MRPS11: variants seen among roughly 807,000 people sequenced by gnomAD.
MRPS11 encodes small ribosomal subunit protein uS11m.
MRPS11 carries 27 observed loss-of-function variants against 24.3 expected under a neutral mutation model. The ratio of observed to expected loss-of-function variants is 1.11; its 90% CI spans 0.82 to 1.53. The LOEUF (loss-of-function observed/expected upper bound fraction) is 1.53, where lower values mean the gene tolerates loss of function less well. MRPS11 is among the 40% of genes most tolerant of loss of function. The probability of loss-of-function intolerance (pLI) is 0.00; values close to 1 mark genes in which losing one functional copy is unlikely to be tolerated. For synonymous variants in MRPS11, 104 were observed against 98.7 expected, an observed-to-expected ratio of 1.05 and a Z score of -0.32; for missense variants, 277 against 256.5, an observed-to-expected ratio of 1.08 and a Z score of -0.55.
At chr15:88,472,590 G>A (rs371425513) in intron 2 of MRPS11, 37 bp from the exon 3 acceptor site, 15 of 1,546,038 alleles carry the variant, frequency 9.7e-6, no homozygotes, top group South Asian at 4.5e-5. Flanking sequence ...TTAAAAAGTC[G>A]AGACAATTTT....
At chr15:88,476,329 C>A (rs962495937) in intron 4 of MRPS11, among the ~76,000 whole-genome samples, 1 of 152,136 alleles carries the variant, frequency 6.6e-6, no homozygotes, top group African/African-American at 2.4e-5. Context: ...ATAGTACAGG[C>A]CTTACAAATG....
intron 3 of MRPS11, among the ~76,000 whole-genome samples, chr15:88,473,445 A>C (rs961999798): frequency 5.3e-5 from 8 of 152,380 alleles, no homozygotes; most frequent in African/African-American, 1.7e-4. Context: ...TCATGGGCTA[A>C]AGTGTGTGGC....
chr15:88,468,052 G>C (rs1195133245), intron 2 of MRPS11, 28 bp downstream of exon 2: 6 of 1,580,910 alleles, frequency 3.8e-6, no homozygotes, highest in Non-Finnish European at 5.2e-6. Context: ...CAGCCCTCTG[G>C]AGACCCGCAA....
At position 88,478,107 on chromosome 15, in the gene MRPS11, T is replaced by C. The variant is rs900423960; in HGVS notation, c.*128T>C. 16 of 743,966 alleles carry C rather than the reference T, an allele frequency of 2.2e-5. No homozygotes were observed. In the African/African-American group the frequency reaches 2.8e-4, roughly 13 times the overall value. The allele number at this position is 743,966 out of a possible 1,614,324, so 46.1% of individuals were successfully genotyped here. A position where few individuals can be genotyped will look rare whatever the true frequency, so the allele number is the denominator to read the frequency against. On this transcript the variant is annotated 3_prime_UTR_variant, in exon 6 of 6. Coordinates refer to ENST00000325844, the MANE Select transcript of MRPS11 (RefSeq NM_022839.5). The surrounding 1 kb of genome is among the most constrained non-coding windows in gnomAD (Gnocchi z 4.7). The stretch of plus-strand genomic sequence containing the variant: ...TCCTTCAGGCAGTAAGGGAGAGTTT[T>C]GCCTCCTTACACAGTGGCCTTTGCT...
At position 88,480,698 on chromosome 15, in the gene MRPS11, C is replaced by T. The variant is rs1247810029; in HGVS notation, c.*2719C>T. The T allele has an allele frequency of 6.6e-6, 1 of 152,006 alleles. No homozygotes were observed. Among genetic ancestry groups the T allele is most frequent in the African/African-American group, 2.4e-5 (1 of 41,380 alleles). 9.4% of individuals were successfully genotyped at this position (152,006 alleles called of 1,614,324 possible). On this transcript the variant is annotated 3_prime_UTR_variant, in exon 6 of 6. Transcript: ENST00000325844. This position sits in a 1 kb window ranked among gnomAD's most constrained non-coding sequence, Gnocchi z 5.1. The stretch of plus-strand genomic sequence containing the variant: ...TGTTGACTGTGCACTGGAAAATGCA[C>T]ATTGCTTTATCGTGAGCTCTCGGTG...
chr15:88,468,701 G>A, intron 2 of MRPS11: 1 of 206,706 alleles, frequency 4.8e-6, no homozygotes, highest in Non-Finnish European at 8.5e-6. Flanking sequence ...TTGGTTGGAA[G>A]TATGAAATCA....
At chr15:88,468,214 G>C in intron 2 of MRPS11, 190 bp downstream of exon 2, 3 of 1,431,990 alleles carry the variant, frequency 2.1e-6, no homozygotes, top group East Asian at 2.6e-5. Flanking sequence ...GTGAGAATCA[G>C]ATGAGCCGTG....
At position 88,467,782 on chromosome 15, in the gene MRPS11, G is replaced by A. The variant is rs2055575523; in HGVS notation, c.65G>A (p.Gly22Asp). ...TCCTGGACTTGGCCCCAGACAGCCG[G>A]GTAACAAATGACTGCCCCCTCGAGC... is the stretch of plus-strand genomic sequence containing the variant. ...LRSWTWPQTA[G>D]RVVARTPAGT... The change falls in exon 1 of 6, where the codon GGC becomes GAC. Residue 22 changes from glycine (G) to aspartate (D), a missense_variant and splice_region_variant. Physicochemically the swap from Gly to Asp is moderately conservative, Grantham distance 94. Coordinates refer to ENST00000325844, the MANE Select transcript of MRPS11 (RefSeq NM_022839.5). 5 of 1,614,060 alleles carry A rather than the reference G, an allele frequency of 3.1e-6. No individual in the cohort carries two copies. Among genetic ancestry groups the A allele is most frequent in the Non-Finnish European group, 4.2e-6 (5 of 1,180,032 alleles).
rs2055654334 is a variant in MRPS11 at position 88,469,983 on chromosome 15, AATAAAC to A, written c.182+1962_182+1967del. On this transcript the variant is annotated intron_variant, in intron 2 of 5. Transcript: ENST00000325844. The surrounding 1 kb of genome is among the most constrained non-coding windows in gnomAD (Gnocchi z 4.4). ...GGGAGTTGTTAAGGTTGAGATTCTT[AATAAAC>A]ATTCAAGTGGAGACACAATGTAGAC... Among the ~76,000 whole-genome samples, 1 of 152,176 alleles carries A rather than the reference AATAAAC, an allele frequency of 6.6e-6. No individual in the cohort carries two copies. Among genetic ancestry groups the A allele is most frequent in the African/African-American group, 2.4e-5 (1 of 41,434 alleles).
At chr15:88,473,912 G>A (rs191140573) in intron 3 of MRPS11, among the ~76,000 whole-genome samples, 6 of 152,352 alleles carry the variant, frequency 3.9e-5, no homozygotes, top group Admixed American at 3.3e-4. Context: ...AGTTGTGGGT[G>A]GATGCAGTGG....
rs1320299641 is a variant in MRPS11, at chr15:88,469,011, A to G, written c.182+987A>G. On this transcript the variant is annotated intron_variant, in intron 2 of 5. Coordinates refer to ENST00000325844, the MANE Select transcript of MRPS11 (RefSeq NM_022839.5). This position sits in a 1 kb window ranked among gnomAD's most constrained non-coding sequence, Gnocchi z 4.4. ...GGTGACAGATTGAGACTCTGTCTCA[A>G]AGAAAAAAAAAAAAAAAAAGAATAA... The G allele has an allele frequency of 1.4e-5, 2 of 146,152 alleles. No homozygotes were observed. The highest frequency in any genetic ancestry group is 3.9e-4 in the East Asian group (2 of 5,142). 9.1% of individuals were successfully genotyped at this position (146,152 alleles called of 1,614,324 possible).
chr15:88,480,661 G>A lies in MRPS11; in HGVS notation c.*2682G>A, dbSNP rs943285628. 2.4e-4 allele frequency: 37 copies of A among 152,110 alleles called. No individual in the cohort carries two copies. Among genetic ancestry groups the A allele is most frequent in the African/African-American group, 8.7e-4 (36 of 41,412 alleles). The allele number at this position is 152,110 out of a possible 1,614,324, so 9.4% of individuals were successfully genotyped here. On this transcript the variant is annotated 3_prime_UTR_variant, in exon 6 of 6. Coordinates refer to ENST00000325844, the MANE Select transcript of MRPS11 (RefSeq NM_022839.5). This position sits in a 1 kb window ranked among gnomAD's most constrained non-coding sequence, Gnocchi z 5.1. ...GGCGCAACCCCCGGAGCTAGTTTTG[G>A]GGAGGCCGCCTTGTTGACTGTGCAC...
chr15:88,475,370 A>C lies in MRPS11; in HGVS notation c.411+131A>C, dbSNP rs2055800903. On this transcript the variant is annotated intron_variant, in intron 4 of 5. Coordinates refer to ENST00000325844, the MANE Select transcript of MRPS11 (RefSeq NM_022839.5). The surrounding 1 kb of genome is among the most constrained non-coding windows in gnomAD (Gnocchi z 4.1). ...TTGTCATGGCAGCTTTGATGCCCTG[A>C]TTGGAGCATTGGTTTGAAAAGGTTT... The C allele has an allele frequency of 1.5e-6, 2 of 1,297,172 alleles. No individual in the cohort carries two copies. The highest frequency in any genetic ancestry group is 2.1e-6 in the Non-Finnish European group (2 of 948,934). The allele number at this position is 1,297,172 out of a possible 1,614,324, so 80.4% of individuals were successfully genotyped here. A position where few individuals can be genotyped will look rare whatever the true frequency, so the allele number is the denominator to read the frequency against.
At position 88,467,935 on chromosome 15, in the gene MRPS11, G is replaced by A. The variant is rs2055583025; in HGVS notation, c.93G>A (p.Gly31=). 1 of 1,613,628 alleles carries A rather than the reference G, an allele frequency of 6.2e-7. No homozygotes were observed. The highest frequency in any genetic ancestry group is 8.5e-7 in the Non-Finnish European group (1 of 1,179,992). ...GGGTCGTGGCCAGAACGCCGGCCGG[G>A]ACCATCTGCACAGGCGCTCGACAGC... ...AGRVVARTPA[G]TICTGARQLQ... The change falls in exon 2 of 6, where the codon GGG becomes GGA. Residue 31 remains glycine, a synonymous_variant. Transcript: ENST00000325844.
chr15:88,471,625 G>T (rs1354149380), intron 2 of MRPS11, among the ~76,000 whole-genome samples: 1 of 152,108 alleles, frequency 6.6e-6, no homozygotes, highest in Non-Finnish European at 1.5e-5. Flanking sequence ...TTCCCTATTG[G>T]TACCTAATTT....
rs151022118 is a variant in MRPS11, at chr15:88,468,287, C to G, written c.182+263C>G. ...ATGAGTGAATGTGAGATATCCATAA[C>G]ATGTATCAGCGTTCTTTTCTTCTGA... On this transcript the variant is annotated intron_variant, in intron 2 of 5. Coordinates refer to ENST00000325844, the MANE Select transcript of MRPS11 (RefSeq NM_022839.5). The G allele has an allele frequency of 3.9e-5, 50 of 1,272,342 alleles. No individual in the cohort carries two copies. The African/African-American group carries it at 6.5e-4, about 16-fold the overall frequency. The allele number at this position is 1,272,342 out of a possible 1,614,324, so 78.8% of individuals were successfully genotyped here. A position where few individuals can be genotyped will look rare whatever the true frequency, so the allele number is the denominator to read the frequency against.
intron 3 of MRPS11, among the ~76,000 whole-genome samples, chr15:88,474,854 TTAAC>T (rs1264574799): frequency 6.6e-6 from 1 of 152,366 alleles, no homozygotes; most frequent in Non-Finnish European, 1.5e-5. Context: ...TGGGTGATAC[TTAAC>T]TAACTACTCT....
In MRPS11 at chr15:88,477,993, T is replaced by G. The variant is rs775185644; in HGVS notation, c.*14T>G. 1.9e-6 allele frequency: 3 copies of G among 1,607,930 alleles called. No individual in the cohort carries two copies. The highest frequency in any genetic ancestry group is 2.6e-6 in the Non-Finnish European group (3 of 1,174,506). On this transcript the variant is annotated 3_prime_UTR_variant, in exon 6 of 6. Transcript: ENST00000325844. The surrounding 1 kb of genome is among the most constrained non-coding windows in gnomAD (Gnocchi z 5.7). ...CGGAAGCTGTGATGGGAAGGAGGCC[T>G]GCACTTGGACCTGACCTCAAGCCTC... is the stretch of plus-strand genomic sequence containing the variant.
chr15:88,474,956 G>A lies in MRPS11; in HGVS notation c.282-154G>A, dbSNP rs112315937. The A allele has an allele frequency of 4.0e-5, 33 of 824,944 alleles. 2 individuals are homozygous for A. The highest frequency in any genetic ancestry group is 2.6e-4 in the African/African-American group (15 of 57,982). The allele number at this position is 824,944 out of a possible 1,614,324, so 51.1% of individuals were successfully genotyped here. A position where few individuals can be genotyped will look rare whatever the true frequency, so the allele number is the denominator to read the frequency against. Reference sequence around the variant, plus strand: ...ATTCTGACCTTTCCTGATACTTCCTGTAGGAGTTCAAAACATGTTCATCTG... The same window carrying A: ...ATTCTGACCTTTCCTGATACTTCCTATAGGAGTTCAAAACATGTTCATCTG... On this transcript the variant is annotated intron_variant, in intron 3 of 5. Transcript: ENST00000325844.
Sources: allele counts gnomAD v4.1 joint callset (sites outside exome capture counted in the v4.1 genomes callset), GRCh38; gene constraint gnomAD v4.1.1; non-coding constraint Gnocchi (gnomAD v3.1); transcripts MANE v1.5; gene names NCBI Gene and HGNC (gene_info 2026-07-23, HGNC 2026-07-21).